FOXO3: variants seen among roughly 807,000 people sequenced by gnomAD.
FOXO3 encodes the protein forkhead box O3, also known as forkhead box protein O3.
In FOXO3, 4 loss-of-function variants were observed where a neutral mutation model predicts 41.9. The observed-to-expected ratio is 0.10, with a 90% CI of 0.05 to 0.22. The LOEUF is 0.22. FOXO3 is among the 10% of genes least tolerant of loss of function. The pLI, the probability that FOXO3 is intolerant of heterozygous loss-of-function variation, is 1.00. For missense variants in FOXO3, 534 were observed against 906.8 expected (o/e 0.59, Z 5.28); for synonymous variants, 318 against 389.3 (o/e 0.82, Z 2.16).
At chr6:108,651,315 G>A (rs1004984750) in intron 1 of FOXO3, among the ~76,000 whole-genome samples, 1 of 152,176 alleles carries the variant, frequency 6.6e-6, no homozygotes, top group African/African-American at 2.4e-5. Flanking sequence ...TTGGAAGATA[G>A]CCTGCTTCCA....
At chr6:108,661,925 A>C (rs1452052208) in intron 1 of FOXO3, among the ~76,000 whole-genome samples, 1 of 152,154 alleles carries the variant, frequency 6.6e-6, no homozygotes, top group Non-Finnish European at 1.5e-5. Context: ...GTTCCCATAC[A>C]CCCAATATCA....
chr6:108,562,010 T>G (rs1775811598), intron 1 of FOXO3, among the ~76,000 whole-genome samples, 181 bp downstream of exon 1: 1 of 151,300 alleles, frequency 6.6e-6, no homozygotes, highest in Non-Finnish European at 1.5e-5. Flanking sequence ...CTGGGGACGG[T>G]CTCGGAGGGG....
At chr6:108,560,567 G>A (rs1027782320), upstream of FOXO3, among the ~76,000 whole-genome samples, 1 of 152,156 alleles carries the variant, frequency 6.6e-6, no homozygotes, top group African/African-American at 2.4e-5. Context: ...TCGACCGGGT[G>A]GGGGGTGACG....
intron 1 of FOXO3, among the ~76,000 whole-genome samples, chr6:108,575,378 TA>T (rs576004258): frequency 0.011 from 1,308 of 121,160 alleles, 39 homozygotes; most frequent in Admixed American, 0.075. Flanking sequence ...ACTTAATACC[TA>T]AAAAAAAAAA....
intron 1 of FOXO3, among the ~76,000 whole-genome samples, chr6:108,616,320 A>G (rs1265670743): frequency 1.3e-5 from 2 of 151,430 alleles, no homozygotes; most frequent in Non-Finnish European, 2.9e-5. Flanking sequence ...ACCCACCACC[A>G]CGCCTGGCTA....
chr6:108,594,238 C>G (rs1281839485), intron 1 of FOXO3, among the ~76,000 whole-genome samples: 1 of 152,082 alleles, frequency 6.6e-6, no homozygotes, highest in Non-Finnish European at 1.5e-5. Context: ...TAAGTTTTAA[C>G]TGAAGTTTGT....
chr6:108,672,545 TG>T (rs1313153596), intron 2 of FOXO3, among the ~76,000 whole-genome samples: 1 of 152,224 alleles, frequency 6.6e-6, no homozygotes, highest in Non-Finnish European at 1.5e-5. Flanking sequence ...AGGTCGGCTT[TG>T]TTTTTTAATA....
At position 108,585,022 on chromosome 6, in the gene FOXO3, C is replaced by CTTTTTTTTTTTTTTTTT. The variant is rs1159028928; in HGVS notation, c.621+23207_621+23223dup. ...CACCAAGAATTGCTATCTCCAAAATCTTTTTTTTTTTTTTTTTTTTTTTTT... is the reference window on the plus strand; with the variant it reads ...CACCAAGAATTGCTATCTCCAAAATCTTTTTTTTTTTTTTTTTTTTTTTTTTTTTTTTTTTTTTTTTT... On this transcript the variant is annotated intron_variant, in intron 1 of 2. Coordinates refer to ENST00000406360, the MANE Select transcript of FOXO3 (RefSeq NM_001455.4). Among the ~76,000 whole-genome samples, 3 of 51,530 alleles carry CTTTTTTTTTTTTTTTTT rather than the reference C, an allele frequency of 5.8e-5. 1 individual carries two copies. Among genetic ancestry groups the CTTTTTTTTTTTTTTTTT allele is most frequent in the African/African-American group, 1.6e-4 (2 of 12,162 alleles). 33.8% of individuals were successfully genotyped at this position (51,530 alleles called of 152,430 possible).
intron 1 of FOXO3, among the ~76,000 whole-genome samples, chr6:108,568,048 CAA>C (rs879757833): frequency 1.4e-5 from 2 of 138,620 alleles, no homozygotes; most frequent in Non-Finnish European, 3.2e-5. Context: ...AACTCCATCT[CAA>C]AAAAAAAAAA....
At position 108,683,887 on chromosome 6, in the gene FOXO3, C is replaced by T. The variant is rs1303524014; in HGVS notation, c.*4095C>T. The T allele has an allele frequency of 6.6e-6, 1 of 152,344 alleles. No homozygotes were observed. The highest frequency in any genetic ancestry group is 1.5e-5 in the Non-Finnish European group (1 of 68,004). The allele number at this position is 152,344 out of a possible 1,614,324, so 9.4% of individuals were successfully genotyped here. ...GAAAAAGCTAGCCTCTCTCAGAGAC[C>T]GGGGAGGCAGAGTACTACTAGAGGA... On this transcript the variant is annotated 3_prime_UTR_variant, in exon 3 of 3. Transcript: ENST00000406360.
intron 1 of FOXO3, among the ~76,000 whole-genome samples, chr6:108,602,108 T>C (rs1194835499): frequency 6.6e-6 from 1 of 152,358 alleles, no homozygotes; most frequent in South Asian, 2.1e-4. Context: ...TAAGGGTTTT[T>C]CCCCCTAGTT....
chr6:108,570,863 G>T (rs1460150304), intron 1 of FOXO3, among the ~76,000 whole-genome samples: 4 of 151,866 alleles, frequency 2.6e-5, no homozygotes, highest in African/African-American at 9.7e-5. Context: ...TAGGAGAGGG[G>T]GTGTGGAGAT....
chr6:108,600,403 C>T (rs1305215365), intron 1 of FOXO3, among the ~76,000 whole-genome samples: 2 of 151,684 alleles, frequency 1.3e-5, no homozygotes, highest in African/African-American at 2.4e-5. Context: ...AAAAATTAGC[C>T]GGGTGTGGTG....
chr6:108,657,227 G>C (rs1373902193), intron 1 of FOXO3, among the ~76,000 whole-genome samples: 2 of 152,186 alleles, frequency 1.3e-5, no homozygotes, highest in Non-Finnish European at 2.9e-5. Flanking sequence ...GTGTTTTAAG[G>C]GTTCTTTAAA....
rs759948878 is a variant in FOXO3, at chr6:108,664,133, G to A, written c.1300G>A (p.Val434Met). 1 of 1,614,102 alleles carries A rather than the reference G, an allele frequency of 6.2e-7. No individual in the cohort carries two copies. The highest frequency in any genetic ancestry group is 1.1e-5 in the South Asian group (1 of 91,068). ...CCCAACCAGCTCCTTTAACAGCACG[G>A]TGTTCGGACCTTCATCTCTGAACTC... is the stretch of plus-strand genomic sequence containing the variant. Reference protein sequence around the residue: ...GSPTSSFNSTVFGPSSLNSLR... With the variant: ...GSPTSSFNSTMFGPSSLNSLR... The change falls in exon 2 of 3, where the codon GTG (valine) becomes ATG (methionine). Residue 434 changes from valine (V) to methionine (M), a missense_variant. Transcript: ENST00000406360.
chr6:108,618,380 A>G (rs543558311), intron 1 of FOXO3: 8 of 527,254 alleles, frequency 1.5e-5, no homozygotes, highest in Non-Finnish European at 2.1e-5. Context: ...GCCACAGAAG[A>G]AGGAGGCAGC....
chr6:108,569,987 G>GTTTTTTTTT lies in FOXO3; in HGVS notation c.621+8180_621+8188dup, dbSNP rs71015551. Among the ~76,000 whole-genome samples the GTTTTTTTTT allele has an allele frequency of 1.7e-3, 125 of 73,264 alleles. 17 individuals are homozygous for GTTTTTTTTT. The highest frequency in any genetic ancestry group is 1.9e-3 in the Non-Finnish European group (77 of 41,564). 48.1% of individuals were successfully genotyped at this position (73,264 alleles called of 152,430 possible). On this transcript the variant is annotated intron_variant, in intron 1 of 2. Coordinates refer to ENST00000406360, the MANE Select transcript of FOXO3 (RefSeq NM_001455.4). The stretch of plus-strand genomic sequence containing the variant: ...TCCACATCATGTTTTCCCTTGCGTG[G>GTTTTTTTTT]TTTTTTTTTTTTTTTTTTTTTTTTT...
At chr6:108,585,739 GTTA>G (rs1297077036) in intron 1 of FOXO3, among the ~76,000 whole-genome samples, 1 of 152,196 alleles carries the variant, frequency 6.6e-6, no homozygotes, top group Admixed American at 6.5e-5. Context: ...AAAAGGTATC[GTTA>G]TTATTATTCC....
At chr6:108,616,606 A>G (rs1035442707) in intron 1 of FOXO3, among the ~76,000 whole-genome samples, 5 of 152,144 alleles carry the variant, frequency 3.3e-5, no homozygotes, top group African/African-American at 1.2e-4. Context: ...CATATTTATA[A>G]CTTTTTAACA....
Sources: allele counts gnomAD v4.1 joint callset (sites outside exome capture counted in the v4.1 genomes callset), GRCh38; gene constraint gnomAD v4.1.1; transcripts MANE v1.5; gene names NCBI Gene and HGNC (gene_info 2026-07-23, HGNC 2026-07-21).